Variants in STK33 observed in about 807,000 individuals in gnomAD.
STK33 encodes serine/threonine kinase 33, also known as serine/threonine-protein kinase 33.
STK33 carries 52 observed loss-of-function variants against 58.0 expected under a neutral mutation model. The ratio of observed to expected loss-of-function variants is 0.90; its 90% confidence interval spans 0.72 to 1.13. The LOEUF (loss-of-function observed/expected upper bound fraction) is 1.13. Ranked by LOEUF, STK33 falls within the 50% of genes most tolerant of loss-of-function variation. STK33 has a pLI of 0.00. For missense variants in STK33, 630 were observed against 604.2 expected (o/e 1.04, Z -0.45); for synonymous variants, 215 against 200.1 (o/e 1.07, Z -0.63).
chr11:8,365,646 G>T, the STK33 span, among the ~76,000 whole-genome samples: 8 of 152,042 alleles, frequency 5.3e-5, no homozygotes, highest in African/African-American at 1.9e-4. Context: ...CCTACCCACT[G>T]CCACTTTCCA....
At chr11:8,441,599 C>G (rs1011673247) in intron 11 of STK33, among the ~76,000 whole-genome samples, 19 of 152,106 alleles carry the variant, frequency 1.2e-4, no homozygotes, top group African/African-American at 4.3e-4. Context: ...TCAAGTGATC[C>G]TCCCACCTCA....
intron 9 of STK33, among the ~76,000 whole-genome samples, chr11:8,456,945 T>C (rs1044960099): frequency 3.3e-5 from 5 of 152,192 alleles, no homozygotes; most frequent in African/African-American, 4.8e-5. Context: ...AAAATCTCTC[T>C]ACCTTTGGCT....
intron 1 of STK33, among the ~76,000 whole-genome samples, chr11:8,526,472 T>C (rs755938918): frequency 1.3e-5 from 2 of 152,080 alleles, no homozygotes; most frequent in Non-Finnish European, 2.9e-5. Context: ...AAGTTAAATA[T>C]ACGCATATCT....
chr11:8,474,653 G>T (rs1287928541), intron 5 of STK33, 28 bp downstream of exon 5: 2 of 1,541,676 alleles, frequency 1.3e-6, no homozygotes, highest in Admixed American at 3.7e-5. Flanking sequence ...GTCAACTTGT[G>T]CTTAGATGTG....
chr11:8,472,303 T>C (rs1948854257), intron 6 of STK33, among the ~76,000 whole-genome samples: 1 of 152,162 alleles, frequency 6.6e-6, no homozygotes, highest in South Asian at 2.1e-4. Context: ...GCTTTTCTAA[T>C]CATTTCAAGT....
Position 8,522,654 on chromosome 11 carries a change from T to C in STK33, c.-465-42040A>G, listed in dbSNP as rs569371598. Among the ~76,000 whole-genome samples the C allele has an allele frequency of 4.5e-4, 68 of 151,950 alleles. 1 individual carries two copies. Among genetic ancestry groups the C allele is most frequent in the Non-Finnish European group, 9.3e-4 (63 of 67,976 alleles). On this transcript the variant is annotated intron_variant, in intron 1 of 15. Transcript: ENST00000687296. ...AAAGCACATGCAATAAAAGCAAAAA[T>C]AGAAAAGCAAGATTACATCAAACTA...
At chr11:8,436,269 C>G (rs948728033) in intron 12 of STK33, 130 bp from the exon 13 acceptor site, 3 of 479,686 alleles carry the variant, frequency 6.3e-6, no homozygotes, top group Non-Finnish European at 1.1e-5. Flanking sequence ...GAGATGGGTA[C>G]CTCCCTGGAA....
At chr11:8,467,444 G>GT (rs1329764892) in intron 6 of STK33, 1 of 151,990 alleles carries the variant, frequency 6.6e-6, no homozygotes, top group Non-Finnish European at 1.5e-5. Context: ...TTAGTAAAAC[G>GT]TAACAAGAGT....
chr11:8,359,228 C>T, the STK33 span, among the ~76,000 whole-genome samples: 1,254 of 152,262 alleles, frequency 8.2e-3, 10 homozygotes, highest in Middle Eastern at 0.024. Flanking sequence ...ATGCTTGGTG[C>T]ATCTTGAGTG....
chr11:8,422,864 AC>A (rs1259028689), intron 14 of STK33, among the ~76,000 whole-genome samples: 1 of 150,584 alleles, frequency 6.6e-6, no homozygotes, highest in Non-Finnish European at 1.5e-5. Flanking sequence ...TCACATTGTC[AC>A]CCAGGCTGGA....
At chr11:8,473,484 C>T (rs1379049369) in intron 5 of STK33, among the ~76,000 whole-genome samples, 1 of 152,088 alleles carries the variant, frequency 6.6e-6, no homozygotes, top group Non-Finnish European at 1.5e-5. Context: ...GATATTCAAT[C>T]CAATCCCCTG....
Position 8,448,240 on chromosome 11 carries a change from T to A in STK33, c.871+4582A>T, listed in dbSNP as rs1034456964. Among the ~76,000 whole-genome samples, 315 of 152,236 alleles carry A rather than the reference T, an allele frequency of 2.1e-3. 1 individual carries two copies. Among genetic ancestry groups the A allele is most frequent in the Non-Finnish European group, 3.6e-3 (245 of 68,004 alleles). On this transcript the variant is annotated intron_variant, in intron 11 of 15. Coordinates refer to ENST00000687296, the MANE Select transcript of STK33 (RefSeq NM_001352389.2). ...ATTTATAGATTCAATGCCATCCCCA[T>A]CAAGCTACCAATGACTTTCTTCACA...
At chr11:8,461,299 T>C (rs1947494723) in intron 8 of STK33, among the ~76,000 whole-genome samples, 2 of 151,108 alleles carry the variant, frequency 1.3e-5, no homozygotes, top group South Asian at 4.2e-4. Context: ...CAACTCTAAA[T>C]AAAAATTACA....
chr11:8,361,636 T>C, the STK33 span, among the ~76,000 whole-genome samples: 2 of 152,210 alleles, frequency 1.3e-5, no homozygotes, highest in African/African-American at 4.8e-5. The surrounding 1 kb of genome is among the most constrained non-coding windows in gnomAD (Gnocchi z 4.8). Context: ...ATATCCAGGC[T>C]TTCCCAATCC....
the STK33 span, among the ~76,000 whole-genome samples, chr11:8,379,913 G>C: frequency 6.6e-6 from 1 of 152,156 alleles, no homozygotes; most frequent in Non-Finnish European, 1.5e-5. Context: ...GTTTGCCAAG[G>C]ATAATGGCCT....
At chr11:8,534,568 C>CTCTG (rs1402710450) in intron 1 of STK33, among the ~76,000 whole-genome samples, 72 of 104,732 alleles carry the variant, frequency 6.9e-4, no homozygotes, top group East Asian at 3.4e-3. Flanking sequence ...CTCTCTCTCT[C>CTCTG]TGTGTGTGTG....
intron 1 of STK33, among the ~76,000 whole-genome samples, chr11:8,529,426 C>A (rs1236064395): frequency 6.6e-6 from 1 of 152,104 alleles, no homozygotes. Context: ...AGCCATAGGA[C>A]AAGATTCAGA....
intron 1 of STK33, among the ~76,000 whole-genome samples, chr11:8,565,272 T>G (rs1049566886): frequency 1.3e-5 from 2 of 152,188 alleles, no homozygotes; most frequent in African/African-American, 4.8e-5. Flanking sequence ...GTTAAAAAAC[T>G]TCACATTTTT....
chr11:8,549,723 T>TA (rs1956179009), intron 1 of STK33, among the ~76,000 whole-genome samples: 1 of 152,088 alleles, frequency 6.6e-6, no homozygotes, highest in Admixed American at 6.5e-5. Flanking sequence ...GTTATGTATA[T>TA]AGGAATTTAT....
Sources: gnomAD v4.1 joint callset for allele counts (sites outside exome capture counted in the v4.1 genomes callset) on GRCh38, gnomAD v4.1.1 for gene constraint, Gnocchi (gnomAD v3.1) non-coding constraint, MANE v1.5 for transcripts, NCBI Gene and HGNC (gene_info 2026-07-23, HGNC 2026-07-21) for gene names.